Variants in NDUFAF4 observed in about 807,000 individuals in gnomAD.
NDUFAF4 encodes NADH dehydrogenase [ubiquinone] 1 alpha subcomplex assembly factor 4.
In NDUFAF4, 10 loss-of-function variants were observed where a neutral mutation model predicts 15.6. The observed-to-expected ratio is 0.64, with a 90% CI of 0.40 to 1.09. The LOEUF (loss-of-function observed/expected upper bound fraction) is 1.09, where lower values mean the gene tolerates loss of function less well. NDUFAF4 is among the 50% of genes least tolerant of loss of function. NDUFAF4 has a pLI of 0.01. For missense variants in NDUFAF4, 203 were observed against 207.3 expected, an observed-to-expected ratio of 0.98 and a Z score of 0.13; for synonymous variants, 77 against 73.3, an observed-to-expected ratio of 1.05 and a Z score of -0.26.
In NDUFAF4 at chr6:96,892,684, T is replaced by C. The variant is rs187385107; in HGVS notation, c.241-1293A>G. ...TACTTATAACTATCTTCCCCCTTGG[T>C]TTCCATGCCACCCCCTCACAGTTTT... On this transcript the variant is annotated intron_variant, in intron 2 of 2. Transcript: ENST00000316149. Among the ~76,000 whole-genome samples, 169 of 152,258 alleles carry C rather than the reference T, an allele frequency of 1.1e-3. 1 individual carries two copies. Among genetic ancestry groups the C allele is most frequent in the African/African-American group, 3.9e-3 (164 of 41,552 alleles).
In NDUFAF4 at chr6:96,890,512, C is replaced by T. The variant is rs1288880404; in HGVS notation, c.*592G>A. On this transcript the variant is annotated 3_prime_UTR_variant, in exon 3 of 3. Transcript: ENST00000316149. ...TTTTATAACTGTAAAGACAATTATT[C>T]CATACTTAAAACCAATTCAAAATAA... is the stretch of plus-strand genomic sequence containing the variant. 6.6e-6 allele frequency: 1 copy of T among 152,272 alleles called. No homozygotes were observed. The highest frequency in any genetic ancestry group is 2.4e-5 in the African/African-American group (1 of 41,446). The allele number at this position is 152,272 out of a possible 1,614,324, so 9.4% of individuals were successfully genotyped here. A position where few individuals can be genotyped will look rare whatever the true frequency, so the allele number is the denominator to read the frequency against.
intron 2 of NDUFAF4, among the ~76,000 whole-genome samples, chr6:96,892,007 T>C (rs181361285): frequency 6.6e-6 from 1 of 152,232 alleles, no homozygotes; most frequent in East Asian, 1.9e-4. Flanking sequence ...CTCTAGAAAA[T>C]AATAATCAAA....
In NDUFAF4 at chr6:96,897,841, G is replaced by T; in HGVS notation, c.-40C>A. On this transcript the variant is annotated 5_prime_UTR_variant, in exon 1 of 3. Transcript: ENST00000316149. ...ATGCGCTCAGGTTCAGGCCGCACGT[G>T]GGAACACCGGCGCAGGACAACTCCG... 6.2e-7 allele frequency: 1 copy of T among 1,613,470 alleles called. No individual in the cohort carries two copies. The highest frequency in any genetic ancestry group is 8.5e-7 in the Non-Finnish European group (1 of 1,179,714).
chr6:96,894,938 A>G (rs908530752), intron 2 of NDUFAF4, among the ~76,000 whole-genome samples: 1 of 144,864 alleles, frequency 6.9e-6, no homozygotes, highest in African/African-American at 2.4e-5. Context: ...AGAGAAGACT[A>G]TAAGAAATAT....
Position 96,890,760 on chromosome 6 carries a change from T to C in NDUFAF4, c.*344A>G. 1 of 212,432 alleles carries C rather than the reference T, an allele frequency of 4.7e-6. No individual in the cohort carries two copies. Among genetic ancestry groups the C allele is most frequent in the South Asian group, 7.8e-5 (1 of 12,862 alleles). The allele number at this position is 212,432 out of a possible 1,614,324, so 13.2% of individuals were successfully genotyped here. ...AAACACCTAACTTGGAAAGTAAAAC[T>C]CAGTTGAGGGATTCAGGACATTTCC... On this transcript the variant is annotated 3_prime_UTR_variant, in exon 3 of 3. Transcript: ENST00000316149.
rs760918613 is a variant in NDUFAF4 at position 96,896,795 on chromosome 6, C to T, written c.189G>A (p.Ser63=). The change falls in exon 2 of 3, where the codon TCG becomes TCA. Residue 63 remains serine (S), a synonymous_variant. Coordinates refer to ENST00000316149, the MANE Select transcript of NDUFAF4 (RefSeq NM_014165.4). ...EIARKDEKLL[S]FLKDVYVDSK... ...AATCAACATACACATCTTTTAGAAA[C>T]GACAGCAGCTTTTCATCTTTACGAG... 3.3e-5 allele frequency: 53 copies of T among 1,613,720 alleles called. No homozygotes were observed. Among genetic ancestry groups the T allele is most frequent in the Middle Eastern group, 1.7e-4 (1 of 5,902 alleles).
chr6:96,891,149 G>A lies in NDUFAF4; in HGVS notation c.483C>T (p.Val161=), dbSNP rs762262893. The change falls in exon 3 of 3, where the codon GTC becomes GTT. Residue 161 remains valine, a synonymous_variant. Coordinates refer to ENST00000316149, the MANE Select transcript of NDUFAF4 (RefSeq NM_014165.4). ...SLLKYFVTFE[V]EIFPPEDKKA... Reference sequence around the variant, plus strand: ...TCTTGTCTTCAGGAGGGAAGATTTCGACTTCAAAAGTAACAAAATATTTAA... The same window carrying A: ...TCTTGTCTTCAGGAGGGAAGATTTCAACTTCAAAAGTAACAAAATATTTAA... 6 of 1,612,866 alleles carry A rather than the reference G, an allele frequency of 3.7e-6. No homozygotes were observed. The African/African-American group carries it at 4.0e-5, about 11-fold the overall frequency.
intron 2 of NDUFAF4, among the ~76,000 whole-genome samples, chr6:96,893,449 A>G (rs1775337852): frequency 6.6e-6 from 1 of 152,082 alleles, no homozygotes; most frequent in African/African-American, 2.4e-5. Flanking sequence ...TCCCAAATTC[A>G]CATTTCACAT....
At chr6:96,893,209 A>G (rs1775335552) in intron 2 of NDUFAF4, among the ~76,000 whole-genome samples, 1 of 152,156 alleles carries the variant, frequency 6.6e-6, no homozygotes, top group Non-Finnish European at 1.5e-5. Context: ...ACCCTAGTCC[A>G]AGCCAATGTC....
chr6:96,897,525 C>G lies in NDUFAF4; in HGVS notation c.136+141G>C, dbSNP rs1159994034. ...AATGTCACCGGCCTGGCGGCTCCCC[C>G]TTCCAACGCTCCGCCAACCCGAGCG... is the stretch of plus-strand genomic sequence containing the variant. On this transcript the variant is annotated intron_variant, in intron 1 of 2. Coordinates refer to ENST00000316149, the MANE Select transcript of NDUFAF4 (RefSeq NM_014165.4). The G allele has an allele frequency of 3.9e-6, 5 of 1,288,240 alleles. No homozygotes were observed. The African/African-American group carries it at 7.4e-5, about 19-fold the overall frequency. The allele number at this position is 1,288,240 out of a possible 1,614,324, so 79.8% of individuals were successfully genotyped here. A position where few individuals can be genotyped will look rare whatever the true frequency, so the allele number is the denominator to read the frequency against.
Position 96,891,072 on chromosome 6 carries a change from G to A in NDUFAF4, c.*32C>T. 1 of 1,583,650 alleles carries A rather than the reference G, an allele frequency of 6.3e-7. No individual in the cohort carries two copies. Among genetic ancestry groups the A allele is most frequent in the Non-Finnish European group, 8.7e-7 (1 of 1,155,512 alleles). On this transcript the variant is annotated 3_prime_UTR_variant, in exon 3 of 3. Coordinates refer to ENST00000316149, the MANE Select transcript of NDUFAF4 (RefSeq NM_014165.4). ...AGAAAATATACAGCAGGAGGGATGAGGAGTACACATAGGAAATTTCTGTGA... is the reference window on the plus strand; with the variant it reads ...AGAAAATATACAGCAGGAGGGATGAAGAGTACACATAGGAAATTTCTGTGA...
intron 2 of NDUFAF4, among the ~76,000 whole-genome samples, chr6:96,893,727 G>GA (rs576183958): frequency 1.6e-3 from 204 of 131,144 alleles, no homozygotes; most frequent in South Asian, 6.9e-3. Context: ...CCTCTCGACT[G>GA]AAAAAAAAAA....
At chr6:96,892,496 C>G (rs976072086) in intron 2 of NDUFAF4, among the ~76,000 whole-genome samples, 8 of 152,158 alleles carry the variant, frequency 5.3e-5, no homozygotes, top group African/African-American at 1.9e-4. Flanking sequence ...AAACCAACAC[C>G]TCTTTTATGA....
intron 2 of NDUFAF4, among the ~76,000 whole-genome samples, chr6:96,894,293 T>C (rs1397835722): frequency 6.6e-6 from 1 of 152,210 alleles, no homozygotes; most frequent in African/African-American, 2.4e-5. Context: ...TTAGTAGCCA[T>C]TCTGGTTATC....
chr6:96,897,707 C>T lies in NDUFAF4; in HGVS notation c.95G>A (p.Arg32Lys), dbSNP rs1582315818. Reference sequence around the variant, plus strand: ...CAGGAGGCTGTTGGTAGAGGGGTGTCTGGGAGCGACAGAGGGCTTCATCTT... The same window carrying T: ...CAGGAGGCTGTTGGTAGAGGGGTGTTTGGGAGCGACAGAGGGCTTCATCTT... ...ISKMKPSVAP[R>K]HPSTNSLLRE... Residue 32 changes from arginine to lysine, a missense_variant, in exon 1 of 3, where the codon AGA becomes AAA. By Grantham distance (26) the Arg-to-Lys change is conservative. Transcript: ENST00000316149. The T allele has an allele frequency of 6.2e-7, 1 of 1,614,190 alleles. No individual in the cohort carries two copies. Among genetic ancestry groups the T allele is most frequent in the East Asian group, 2.2e-5 (1 of 44,876 alleles).
Position 96,897,721 on chromosome 6 carries a change from G to A in NDUFAF4, c.81C>T (p.Pro27=), listed in dbSNP as rs372137098. Residue 27 remains proline (P), a synonymous_variant, in exon 1 of 3, where the codon CCC becomes CCT. Transcript: ENST00000316149. The part of the protein sequence containing the change: ...RAEREISKMK[P]SVAPRHPSTN... The stretch of plus-strand genomic sequence containing the variant: ...TAGAGGGGTGTCTGGGAGCGACAGA[G>A]GGCTTCATCTTGCTGATTTCCCGTT... 6.2e-6 allele frequency: 10 copies of A among 1,614,074 alleles called. No individual in the cohort carries two copies. The highest frequency in any genetic ancestry group is 6.8e-6 in the Non-Finnish European group (8 of 1,180,024).
chr6:96,896,610 C>T, intron 2 of NDUFAF4, 134 bp downstream of exon 2: 4 of 741,190 alleles, frequency 5.4e-6, no homozygotes, highest in South Asian at 4.4e-5. Flanking sequence ...TGTGCTTAAA[C>T]TTTGCCAAGG....
In NDUFAF4 at chr6:96,891,111, G is replaced by A. The variant is rs778811460; in HGVS notation, c.521C>T (p.Ser174Leu). 1 of 1,612,210 alleles carries A rather than the reference G, an allele frequency of 6.2e-7. No individual in the cohort carries two copies. The highest frequency in any genetic ancestry group is 8.5e-7 in the Non-Finnish European group (1 of 1,179,336). The change falls in exon 3 of 3, where the codon TCA becomes TTA. Residue 174 changes from serine (S) to leucine (L), a missense_variant. Physicochemically the swap from Ser to Leu is moderately radical, Grantham distance 145 (BLOSUM62 -2). Coordinates refer to ENST00000316149, the MANE Select transcript of NDUFAF4 (RefSeq NM_014165.4). ...AAATTTCTGTGATTTTCTTCATTTTGATCGTATTGCTTTCTTGTCTTCAGG... is the reference window on the plus strand; with the variant it reads ...AAATTTCTGTGATTTTCTTCATTTTAATCGTATTGCTTTCTTGTCTTCAGG... ...FPPEDKKAIRSK is the reference protein window; with the variant it reads ...FPPEDKKAIRLK
intron 2 of NDUFAF4, 140 bp from the exon 3 acceptor site, chr6:96,891,531 C>T: frequency 3.4e-6 from 3 of 880,636 alleles, no homozygotes; most frequent in Admixed American, 2.4e-5. Flanking sequence ...CTCATGTCAC[C>T]AAATTGTAGT....
Sources: allele counts gnomAD v4.1 joint callset (sites outside exome capture counted in the v4.1 genomes callset), GRCh38; gene constraint gnomAD v4.1.1; transcripts MANE v1.5; gene names NCBI Gene and HGNC (gene_info 2026-07-23, HGNC 2026-07-21).